The following CTNNBIP1 variants were observed in gnomAD, a reference collection of about 807,000 sequenced individuals.
CTNNBIP1 encodes catenin beta interacting protein 1.
A neutral mutation model predicts 11.8 loss-of-function variants in CTNNBIP1; 7 were observed. The observed-to-expected ratio is 0.60, with a 90% CI of 0.34 to 1.12. The LOEUF (loss-of-function observed/expected upper bound fraction) is 1.12. CTNNBIP1 is among the 50% of genes most tolerant of loss of function. The probability of loss-of-function intolerance (pLI) is 0.03; values close to 1 mark genes in which losing one functional copy is unlikely to be tolerated. For synonymous variants in CTNNBIP1, 58 were observed against 43.9 expected (o/e 1.32, Z -1.26); for missense variants, 101 against 113.4 (o/e 0.89, Z 0.50).
chr1:9,908,942 C>G (rs1639675205), intron 1 of CTNNBIP1, among the ~76,000 whole-genome samples: 1 of 152,216 alleles, frequency 6.6e-6, no homozygotes, highest in South Asian at 2.1e-4. Flanking sequence ...ACTCCCCCAG[C>G]AAACCGTGAA....
chr1:9,885,026 C>G (rs1336496424), intron 1 of CTNNBIP1, among the ~76,000 whole-genome samples: 3 of 152,134 alleles, frequency 2.0e-5, no homozygotes, highest in African/African-American at 7.2e-5. Context: ...CGGGGTCCAG[C>G]AGGACCACCT....
At chr1:9,904,010 A>C (rs1485221792) in intron 1 of CTNNBIP1, among the ~76,000 whole-genome samples, 2 of 152,208 alleles carry the variant, frequency 1.3e-5, no homozygotes, top group African/African-American at 4.8e-5. Flanking sequence ...AATGGTAATA[A>C]TGGTACGTAT....
chr1:9,875,039 T>TGGCCACTA (rs1414758349), intron 3 of CTNNBIP1, among the ~76,000 whole-genome samples: 1 of 152,180 alleles, frequency 6.6e-6, no homozygotes, highest in Non-Finnish European at 1.5e-5. Context: ...TACAAGGACC[T>TGGCCACTA]GGCCACTAGG....
intron 5 of CTNNBIP1, among the ~76,000 whole-genome samples, chr1:9,863,843 A>G (rs1036753403): frequency 2.0e-5 from 3 of 152,186 alleles, no homozygotes; most frequent in African/African-American, 7.2e-5. Context: ...AGATCATGCC[A>G]CCACCCCTAA....
chr1:9,851,281 C>CG lies in CTNNBIP1; in HGVS notation c.188-506_188-505insC, dbSNP rs1638379875. ...CCAACACCTCTTCCAAGAAGTATGG[C>CG]CGGGCCCACGTCCAGCCTGCTGTCC... On this transcript the variant is annotated intron_variant, in intron 5 of 5. Transcript: ENST00000377263. This position sits in a 1 kb window ranked among gnomAD's most constrained non-coding sequence, Gnocchi z 4.8. Among the ~76,000 whole-genome samples, 1 of 152,330 alleles carries CG rather than the reference C, an allele frequency of 6.6e-6. No homozygotes were observed. The highest frequency in any genetic ancestry group is 2.1e-4 in the South Asian group (1 of 4,832).
rs144418107 is a variant in CTNNBIP1 at position 9,881,238 on chromosome 1, T to C, written c.-110+2467A>G. The stretch of plus-strand genomic sequence containing the variant: ...TTTGTAGCGACAGGTTCTCATGATG[T>C]TGCCCAGGGTGGTCTTGAACTCCTG... On this transcript the variant is annotated intron_variant, in intron 2 of 5. Transcript: ENST00000377263. 2.6e-3 allele frequency among the ~76,000 whole-genome samples: 398 copies of C among 151,956 alleles called. 4 individuals carry two copies. The Middle Eastern group carries it at 0.048, about 18-fold the overall frequency.
intron 5 of CTNNBIP1, among the ~76,000 whole-genome samples, chr1:9,856,159 A>G (rs1638498581): frequency 6.6e-6 from 1 of 151,806 alleles, no homozygotes; most frequent in Non-Finnish European, 1.5e-5. Flanking sequence ...AAAAAAAAAT[A>G]AGAAATAAAT....
chr1:9,907,980 T>C (rs548875358), intron 1 of CTNNBIP1, among the ~76,000 whole-genome samples: 1 of 152,372 alleles, frequency 6.6e-6, no homozygotes, highest in African/African-American at 2.4e-5. Flanking sequence ...AACCCTCCAA[T>C]GGCCTCTAAC....
intron 2 of CTNNBIP1, among the ~76,000 whole-genome samples, chr1:9,881,037 CTTTT>C (rs202036809): frequency 6.6e-6 from 1 of 151,474 alleles, no homozygotes; most frequent in African/African-American, 2.4e-5. Flanking sequence ...TCTTTAAATT[CTTTT>C]TTTTTCTTTT....
At chr1:9,862,700 T>C (rs1638656018) in intron 5 of CTNNBIP1, among the ~76,000 whole-genome samples, 1 of 152,174 alleles carries the variant, frequency 6.6e-6, no homozygotes, top group African/African-American at 2.4e-5. Flanking sequence ...GCATGCATTC[T>C]CCAAGGCCCC....
intron 1 of CTNNBIP1, among the ~76,000 whole-genome samples, chr1:9,892,315 G>C (rs1364228469): frequency 6.6e-6 from 1 of 152,006 alleles, no homozygotes; most frequent in African/African-American, 2.4e-5. Flanking sequence ...CCAGCTACTC[G>C]GGAGGCTGAG....
rs575373791 is a variant in CTNNBIP1, at chr1:9,863,618, C to T, written c.187+7569G>A. Among the ~76,000 whole-genome samples, 70 of 152,318 alleles carry T rather than the reference C, an allele frequency of 4.6e-4. 1 individual carries two copies. In the South Asian group the frequency reaches 0.011, roughly 24 times the overall value. On this transcript the variant is annotated intron_variant, in intron 5 of 5. Coordinates refer to ENST00000377263, the MANE Select transcript of CTNNBIP1 (RefSeq NM_020248.3). ...GCAGACACCTACACTGCACCAGAGG[C>T]GGGATGGGGGACTCATGTGTGATGG...
chr1:9,886,075 A>T (rs1639182660), intron 1 of CTNNBIP1, among the ~76,000 whole-genome samples: 1 of 151,234 alleles, frequency 6.6e-6, no homozygotes, highest in Non-Finnish European at 1.5e-5. Context: ...AGTATGGGGG[A>T]TGGGAGTAAA....
At chr1:9,876,880 ACACACACACAG>A (rs1457637644) in intron 3 of CTNNBIP1, among the ~76,000 whole-genome samples, 12 of 148,100 alleles carry the variant, frequency 8.1e-5, no homozygotes, top group African/African-American at 3.1e-4. Context: ...ACACACACAC[ACACACACACAG>A]TTCAGAGCTG....
chr1:9,889,707 C>A (rs1021460012), intron 1 of CTNNBIP1, among the ~76,000 whole-genome samples: 5 of 152,190 alleles, frequency 3.3e-5, no homozygotes, highest in South Asian at 2.1e-4. Flanking sequence ...TCTTTGAGGA[C>A]AGACCGGGGG....
intron 5 of CTNNBIP1, among the ~76,000 whole-genome samples, chr1:9,857,857 T>A (rs933038318): frequency 6.6e-6 from 1 of 152,124 alleles, no homozygotes; most frequent in African/African-American, 2.4e-5. Context: ...CCATTTCACA[T>A]CTACTAGAAT....
chr1:9,857,463 C>G (rs533338000), intron 5 of CTNNBIP1, among the ~76,000 whole-genome samples: 1 of 148,550 alleles, frequency 6.7e-6, no homozygotes, highest in Non-Finnish European at 1.5e-5. Flanking sequence ...TGCACTCCAG[C>G]CTGGGTGACA....
intron 5 of CTNNBIP1, among the ~76,000 whole-genome samples, chr1:9,863,397 G>C (rs990920696): frequency 6.6e-6 from 1 of 152,214 alleles, no homozygotes; most frequent in African/African-American, 2.4e-5. Flanking sequence ...TATAATTTCA[G>C]TGCAGAGTCT....
At chr1:9,904,456 A>G (rs1639580538) in intron 1 of CTNNBIP1, among the ~76,000 whole-genome samples, 1 of 152,144 alleles carries the variant, frequency 6.6e-6, no homozygotes, top group Non-Finnish European at 1.5e-5. Context: ...CGCTCTGCTG[A>G]GTTACCCAAC....
Sources: gnomAD v4.1 joint callset for allele counts (sites outside exome capture counted in the v4.1 genomes callset) on GRCh38, gnomAD v4.1.1 for gene constraint, Gnocchi (gnomAD v3.1) non-coding constraint, MANE v1.5 for transcripts, NCBI Gene and HGNC (gene_info 2026-07-23, HGNC 2026-07-21) for gene names.